SLC35F4: variants seen among roughly 807,000 people sequenced by gnomAD.
SLC35F4 encodes chromosome 14 open reading frame 36.
In SLC35F4, 24 loss-of-function variants were observed where a neutral mutation model predicts 44.2. The observed-to-expected ratio is 0.54, with a 90% CI of 0.39 to 0.76. The LOEUF (loss-of-function observed/expected upper bound fraction) is 0.76. Ranked by LOEUF, SLC35F4 falls within the 30% of genes least tolerant of loss-of-function variation. The pLI, the probability that SLC35F4 is intolerant of heterozygous loss-of-function variation, is 0.00. For missense variants in SLC35F4, 562 were observed against 586.1 expected (o/e 0.96, Z 0.42); for synonymous variants, 238 against 223.6 (o/e 1.06, Z -0.57).
intron 1 of SLC35F4, among the ~76,000 whole-genome samples, chr14:57,777,672 C>T (rs970841077): frequency 6.6e-6 from 1 of 151,922 alleles, no homozygotes; most frequent in Non-Finnish European, 1.5e-5. Context: ...GGAGAAATAC[C>T]TAATGTAAAT....
chr14:57,669,275 A>G, intron 1 of SLC35F4, among the ~76,000 whole-genome samples: 1 of 151,890 alleles, frequency 6.6e-6, no homozygotes, highest in East Asian at 1.9e-4. Flanking sequence ...GTCAACTGCA[A>G]ACAGGGACAA....
At chr14:57,900,068 T>A (rs538615733) in intron 1 of SLC35F4, among the ~76,000 whole-genome samples, 1 of 152,180 alleles carries the variant, frequency 6.6e-6, no homozygotes, top group South Asian at 2.1e-4. Flanking sequence ...ACTTTTAGGA[T>A]CCTACTGATT....
chr14:57,890,966 T>C (rs1214123603), intron 1 of SLC35F4, among the ~76,000 whole-genome samples: 1 of 152,148 alleles, frequency 6.6e-6, no homozygotes, highest in Admixed American at 6.5e-5. Context: ...GGAAGGAATA[T>C]CAGTTGAAAC....
chr14:57,776,051 T>C (rs899195042), intron 1 of SLC35F4, among the ~76,000 whole-genome samples: 3 of 151,974 alleles, frequency 2.0e-5, no homozygotes, highest in Admixed American at 2.0e-4. Flanking sequence ...GGAAAGAATC[T>C]CAGAGCTCGA....
At chr14:57,898,669 G>A (rs925805616) in intron 1 of SLC35F4, among the ~76,000 whole-genome samples, 2 of 152,204 alleles carry the variant, frequency 1.3e-5, no homozygotes, top group South Asian at 2.1e-4. Context: ...CAACATTTCT[G>A]TAATATTAAA....
At chr14:57,668,148 G>C (rs534486405) in intron 1 of SLC35F4, among the ~76,000 whole-genome samples, 86 of 151,012 alleles carry the variant, frequency 5.7e-4, no homozygotes, top group Non-Finnish European at 9.7e-4. Context: ...AGAAGTGTCT[G>C]TTCATATCCT....
At chr14:57,728,243 T>C (rs1223364844) in intron 1 of SLC35F4, among the ~76,000 whole-genome samples, 2 of 152,118 alleles carry the variant, frequency 1.3e-5, no homozygotes, top group Non-Finnish European at 2.9e-5. Context: ...GAATATCTTT[T>C]TCATCCCTTT....
At chr14:57,581,945 A>AT (rs942233132) in intron 3 of SLC35F4, among the ~76,000 whole-genome samples, 4 of 152,024 alleles carry the variant, frequency 2.6e-5, no homozygotes, top group African/African-American at 9.7e-5. Context: ...CAATTGACTA[A>AT]TTTTTTTTCC....
intron 1 of SLC35F4, among the ~76,000 whole-genome samples, chr14:57,660,844 C>G (rs1229906086): frequency 6.6e-6 from 1 of 152,084 alleles, no homozygotes; most frequent in African/African-American, 2.4e-5. Flanking sequence ...CATAAGAGAC[C>G]TGGGGCGAGA....
intron 1 of SLC35F4, among the ~76,000 whole-genome samples, chr14:57,956,636 TAAC>T (rs1212917389): frequency 6.6e-6 from 1 of 151,730 alleles, no homozygotes; most frequent in African/African-American, 2.4e-5. Flanking sequence ...CAAAGGATAA[TAAC>T]AGACACTTCT....
At chr14:57,963,102 T>G (rs1259457943) in intron 1 of SLC35F4, among the ~76,000 whole-genome samples, 4 of 152,176 alleles carry the variant, frequency 2.6e-5, no homozygotes, top group Non-Finnish European at 4.4e-5. Flanking sequence ...ATCTAGACCC[T>G]CTCTCTTGAG....
chr14:57,637,446 C>T (rs1035674625), intron 1 of SLC35F4, among the ~76,000 whole-genome samples: 3 of 152,132 alleles, frequency 2.0e-5, no homozygotes, highest in Admixed American at 6.5e-5. Context: ...CATGCTGAAG[C>T]GCCCAGCTCC....
intron 1 of SLC35F4, among the ~76,000 whole-genome samples, chr14:57,939,484 G>A (rs1462630057): frequency 6.6e-6 from 1 of 152,156 alleles, no homozygotes; most frequent in Non-Finnish European, 1.5e-5. Flanking sequence ...GAAGAAGAAA[G>A]GACATCACCA....
chr14:57,611,698 C>T (rs2071519303), intron 1 of SLC35F4, among the ~76,000 whole-genome samples: 1 of 152,026 alleles, frequency 6.6e-6, no homozygotes, highest in Non-Finnish European at 1.5e-5. Context: ...ATAAGGACCT[C>T]CCAGGTGATT....
chr14:57,675,603 G>A (rs1004824645), intron 1 of SLC35F4, among the ~76,000 whole-genome samples: 1 of 151,940 alleles, frequency 6.6e-6, no homozygotes, highest in African/African-American at 2.4e-5. Context: ...GTTCTCAGGG[G>A]CAATGCTTTC....
chr14:57,613,146 T>C (rs894948024), intron 1 of SLC35F4, among the ~76,000 whole-genome samples: 1 of 152,210 alleles, frequency 6.6e-6, no homozygotes, highest in African/African-American at 2.4e-5. Context: ...AACTGCTTAC[T>C]ATCTTGGGAA....
intron 3 of SLC35F4, among the ~76,000 whole-genome samples, chr14:57,581,964 T>G (rs238389): frequency 1.1e-3 from 167 of 152,162 alleles, no homozygotes; most frequent in Non-Finnish European, 1.7e-3. Flanking sequence ...CCTGCCAGCA[T>G]TTTTAAGGCA....
intron 1 of SLC35F4, among the ~76,000 whole-genome samples, chr14:57,740,659 T>C (rs2076583252): frequency 6.6e-6 from 1 of 152,224 alleles, no homozygotes; most frequent in African/African-American, 2.4e-5. Context: ...TTCAAATATT[T>C]CTACCATAGA....
intron 1 of SLC35F4, among the ~76,000 whole-genome samples, chr14:57,681,479 T>C (rs780718116): frequency 4.6e-5 from 7 of 151,962 alleles, no homozygotes; most frequent in Non-Finnish European, 1.0e-4. Context: ...TATAAAATGA[T>C]ACAAAATTTA....
Sources: allele counts gnomAD v4.1 joint callset (sites outside exome capture counted in the v4.1 genomes callset), GRCh38; gene constraint gnomAD v4.1.1; transcripts MANE v1.5; gene names NCBI Gene and HGNC (gene_info 2026-07-23, HGNC 2026-07-21).